The following ARHGAP42 variants were observed in gnomAD, a reference collection of about 807,000 sequenced individuals.
ARHGAP42 encodes rho GTPase-activating protein 42.
A neutral mutation model predicts 125.0 loss-of-function variants in ARHGAP42; 63 were observed. That is an observed-to-expected ratio of 0.50 (90% CI 0.41 to 0.62). The LOEUF (loss-of-function observed/expected upper bound fraction) is 0.62, where lower values mean the gene tolerates loss of function less well. Among genes scored for constraint, ARHGAP42 ranks in the 20% least tolerant of loss-of-function variants. The pLI is 0.00. For synonymous variants in ARHGAP42, 339 were observed against 351.0 expected (o/e 0.97, Z 0.38); for missense variants, 766 against 1,024.2 (o/e 0.75, Z 3.44).
intron 4 of ARHGAP42, among the ~76,000 whole-genome samples, chr11:100,880,778 T>C (rs1865941536): frequency 6.6e-6 from 1 of 152,216 alleles, no homozygotes; most frequent in South Asian, 2.1e-4. Flanking sequence ...GATTTTTTGA[T>C]TGTGTCCATT....
intron 4 of ARHGAP42, 57 bp from the exon 5 acceptor site, chr11:100,913,395 C>A: frequency 4.2e-6 from 3 of 720,022 alleles, no homozygotes; most frequent in Admixed American, 4.1e-5. Context: ...TGGTGAAAGT[C>A]GGGGTTTTCT....
intron 12 of ARHGAP42, among the ~76,000 whole-genome samples, chr11:100,950,935 C>G (rs1340101361): frequency 6.6e-6 from 1 of 151,898 alleles, no homozygotes; most frequent in African/African-American, 2.4e-5. Context: ...AGCCTGGTCT[C>G]TAACTATTGG....
In ARHGAP42 at chr11:100,687,416, C is replaced by A. The variant is rs141517111; in HGVS notation, c.-263C>A. On this transcript the variant is annotated 5_prime_UTR_variant, in exon 1 of 24. Coordinates refer to ENST00000298815, the MANE Select transcript of ARHGAP42 (RefSeq NM_152432.4). ...CGCCCCCGCGTTCCGAACGACGATG[C>A]GTCCAGATGACAACAACCTGAGGGG... is the stretch of plus-strand genomic sequence containing the variant. Among the ~76,000 whole-genome samples the A allele has an allele frequency of 0.027, 4,054 of 152,070 alleles. 63 individuals are homozygous for A. Among genetic ancestry groups the A allele is most frequent in the Middle Eastern group, 0.038 (11 of 292 alleles).
At chr11:100,880,455 T>G (rs1283161635) in intron 4 of ARHGAP42, among the ~76,000 whole-genome samples, 1 of 152,218 alleles carries the variant, frequency 6.6e-6, no homozygotes, top group Non-Finnish European at 1.5e-5. Flanking sequence ...CTGAGTAGTA[T>G]TCCATTGTAT....
chr11:100,967,775 G>A (rs940447857), intron 17 of ARHGAP42, among the ~76,000 whole-genome samples: 3 of 151,982 alleles, frequency 2.0e-5, no homozygotes, highest in South Asian at 2.1e-4. Flanking sequence ...GTGCAGTGGC[G>A]CGATCTGGGC....
intron 1 of ARHGAP42, among the ~76,000 whole-genome samples, chr11:100,704,998 C>CAAT (rs1861456042): frequency 1.5e-5 from 1 of 67,606 alleles, no homozygotes; most frequent in Admixed American, 1.4e-4. Flanking sequence ...AGCCAAACCC[C>CAAT]AACAACAACA....
At chr11:100,723,041 A>G (rs1861792756) in intron 1 of ARHGAP42, among the ~76,000 whole-genome samples, 1 of 152,146 alleles carries the variant, frequency 6.6e-6, no homozygotes, top group Non-Finnish European at 1.5e-5. Context: ...TTCCAGCATC[A>G]TTTGTTTAAA....
intron 3 of ARHGAP42, among the ~76,000 whole-genome samples, chr11:100,806,044 CT>C (rs1863981660): frequency 6.6e-6 from 1 of 152,168 alleles, no homozygotes; most frequent in Admixed American, 6.5e-5. Flanking sequence ...TACTCCACCC[CT>C]ATTCAAGATG....
At chr11:100,945,598 T>C (rs1252879918) in intron 10 of ARHGAP42, among the ~76,000 whole-genome samples, 1 of 152,132 alleles carries the variant, frequency 6.6e-6, no homozygotes, top group Admixed American at 6.6e-5. Context: ...GGCATGAATA[T>C]ATTATTCTCC....
chr11:100,779,551 C>CGTATACATACGTATATATACGTAT (rs747888545), intron 2 of ARHGAP42, among the ~76,000 whole-genome samples: 1 of 126,930 alleles, frequency 7.9e-6, no homozygotes. Context: ...TATATATATA[C>CGTATACATACGTATATATACGTAT]ATATACATAC....
chr11:100,751,941 A>C (rs1294687365), intron 1 of ARHGAP42, among the ~76,000 whole-genome samples: 7 of 151,510 alleles, frequency 4.6e-5, no homozygotes, highest in Admixed American at 4.6e-4. Flanking sequence ...CACCATGCCC[A>C]GCTAATTTTG....
chr11:100,983,802 T>C (rs1414652318), intron 22 of ARHGAP42, among the ~76,000 whole-genome samples: 1 of 152,122 alleles, frequency 6.6e-6, no homozygotes, highest in African/African-American at 2.4e-5. Context: ...CCAGTGTTTG[T>C]TGGAAAAAAA....
intron 2 of ARHGAP42, among the ~76,000 whole-genome samples, chr11:100,779,562 G>GTA (rs367827582): frequency 1.7e-3 from 152 of 89,218 alleles, no homozygotes; most frequent in African/African-American, 3.4e-3. Context: ...ATATACATAC[G>GTA]TATATATACG....
intron 4 of ARHGAP42, among the ~76,000 whole-genome samples, chr11:100,879,177 T>A (rs1387721776): frequency 6.6e-6 from 1 of 152,166 alleles, no homozygotes; most frequent in Non-Finnish European, 1.5e-5. Context: ...TATCTGCATT[T>A]TAACAAGACT....
intron 3 of ARHGAP42, among the ~76,000 whole-genome samples, chr11:100,838,053 G>C (rs1424621345): frequency 6.6e-6 from 1 of 151,460 alleles, no homozygotes; most frequent in East Asian, 1.9e-4. Flanking sequence ...GCCTGCCTCA[G>C]TTCCTGAGTC....
intron 3 of ARHGAP42, among the ~76,000 whole-genome samples, chr11:100,815,089 A>T (rs897732324): frequency 1.3e-5 from 2 of 152,222 alleles, no homozygotes; most frequent in Admixed American, 6.5e-5. Context: ...ATCTGTGACC[A>T]TATACATGTT....
chr11:100,834,945 TAATTTTCTA>T (rs1434808852), intron 3 of ARHGAP42, among the ~76,000 whole-genome samples: 2 of 151,960 alleles, frequency 1.3e-5, no homozygotes, highest in Non-Finnish European at 1.5e-5. Context: ...ATTGAATTTT[TAATTTTCTA>T]AAAATTTATA....
At chr11:100,882,304 G>A (rs893434058) in intron 4 of ARHGAP42, among the ~76,000 whole-genome samples, 1 of 151,746 alleles carries the variant, frequency 6.6e-6, no homozygotes, top group East Asian at 1.9e-4. Flanking sequence ...AATCATAAAG[G>A]GGTGCTGGAT....
chr11:100,696,130 G>T (rs1802142272), intron 1 of ARHGAP42, among the ~76,000 whole-genome samples: 2 of 151,974 alleles, frequency 1.3e-5, no homozygotes, highest in Non-Finnish European at 2.9e-5. Flanking sequence ...AGGGTGAGGT[G>T]GGAAGAGCGA....
Sources: gnomAD v4.1 joint callset for allele counts (sites outside exome capture counted in the v4.1 genomes callset) on GRCh38, gnomAD v4.1.1 for gene constraint, MANE v1.5 for transcripts, NCBI Gene and HGNC (gene_info 2026-07-23, HGNC 2026-07-21) for gene names.